The following TRAPPC12 variants were observed in gnomAD, a reference collection of about 807,000 sequenced individuals.
TRAPPC12 encodes the protein trafficking protein particle complex subunit 12.
A neutral mutation model predicts 69.2 loss-of-function variants in TRAPPC12; 61 were observed. That is an observed-to-expected ratio of 0.88 (90% CI 0.72 to 1.09). The LOEUF (loss-of-function observed/expected upper bound fraction) is 1.09. TRAPPC12 is among the 50% of genes least tolerant of loss of function. The pLI is 0.00. For synonymous variants in TRAPPC12, 469 were observed against 438.9 expected (o/e 1.07, Z -0.86); for missense variants, 1,101 against 1,016.4 (o/e 1.08, Z -1.13).
intron 5 of TRAPPC12, among the ~76,000 whole-genome samples, chr2:3,442,086 A>C (rs1261479831): frequency 1.7e-5 from 2 of 120,470 alleles, no homozygotes; most frequent in Non-Finnish European, 2.0e-5. Flanking sequence ...CTAGTCTATA[A>C]ATTGAGATCG....
At chr2:3,455,010 T>A (rs918239851) in intron 6 of TRAPPC12, 1 of 152,222 alleles carries the variant, frequency 6.6e-6, no homozygotes, top group Non-Finnish European at 1.5e-5. Context: ...CCCGTAGGGC[T>A]CCCGTGGTGT....
chr2:3,453,145 C>T (rs143237780), intron 6 of TRAPPC12, among the ~76,000 whole-genome samples: 427 of 152,318 alleles, frequency 2.8e-3, no homozygotes, highest in Non-Finnish European at 4.8e-3. Flanking sequence ...CATGATGCTG[C>T]CTCCTCCACA....
In TRAPPC12 at chr2:3,465,673, G is replaced by C. The variant is rs1201913995; in HGVS notation, c.1754G>C (p.Gly585Ala). 1.9e-6 allele frequency: 3 copies of C among 1,614,078 alleles called. No individual in the cohort carries two copies. The South Asian group carries it at 3.3e-5, about 18-fold the overall frequency. Residue 585 changes from glycine (G) to alanine (A), a missense_variant, in exon 9 of 12, where the codon GGC becomes GCC. By Grantham distance (60) the Gly-to-Ala change is moderately conservative. Transcript: ENST00000324266. ...GAGCAAGAGCCCCAGCTGCTCAGCGGCATCGGCCGGATTTCCCTGCAGGTA... is the reference window on the plus strand; with the variant it reads ...GAGCAAGAGCCCCAGCTGCTCAGCGCCATCGGCCGGATTTCCCTGCAGGTA... ...YPEQEPQLLS[G>A]IGRISLQIGD... is the part of the protein sequence containing the mutation.
At chr2:3,451,887 T>G (rs1231126507) in intron 6 of TRAPPC12, among the ~76,000 whole-genome samples, 1 of 152,200 alleles carries the variant, frequency 6.6e-6, no homozygotes, top group African/African-American at 2.4e-5. Flanking sequence ...GTGGCCTCAA[T>G]ACACTATTCC....
In TRAPPC12 at chr2:3,423,322, T is replaced by TTGTGTGTG. The variant is rs34767789; in HGVS notation, c.1279-1179_1279-1172dup. Among the ~76,000 whole-genome samples the TTGTGTGTG allele has an allele frequency of 2.2e-3, 330 of 149,186 alleles. 3 individuals carry two copies. The highest frequency in any genetic ancestry group is 0.019 in the East Asian group (96 of 5,052). ...ATCGCATGCATTGCCTCGCATGCCT[T>TTGTGTGTG]TGTGTGTGTGTGTGTGTGTGTGTGT... On this transcript the variant is annotated intron_variant, in intron 4 of 11. Transcript: ENST00000324266.
chr2:3,412,109 G>C (rs1456231101), intron 3 of TRAPPC12, among the ~76,000 whole-genome samples: 1 of 152,124 alleles, frequency 6.6e-6, no homozygotes, highest in African/African-American at 2.4e-5. Flanking sequence ...TTTACTGTCT[G>C]TTCCACAATT....
chr2:3,453,580 T>G (rs1299062546), intron 6 of TRAPPC12, among the ~76,000 whole-genome samples: 1 of 152,212 alleles, frequency 6.6e-6, no homozygotes, highest in African/African-American at 2.4e-5. Flanking sequence ...ATCATGCCCC[T>G]ACTCCTCAGA....
chr2:3,395,145 G>A (rs1388627219), intron 2 of TRAPPC12, among the ~76,000 whole-genome samples: 1 of 152,154 alleles, frequency 6.6e-6, no homozygotes, highest in African/African-American at 2.4e-5. Context: ...CGTCAGCAGC[G>A]TATGAGAGTT....
intron 2 of TRAPPC12, among the ~76,000 whole-genome samples, chr2:3,399,865 A>G (rs997924445): frequency 1.2e-4 from 18 of 147,510 alleles, no homozygotes; most frequent in Admixed American, 5.4e-4. Context: ...ATAGGAAGAG[A>G]TCTGAGCCAG....
chr2:3,419,988 C>A (rs1662684725), intron 3 of TRAPPC12, among the ~76,000 whole-genome samples: 1 of 152,212 alleles, frequency 6.6e-6, no homozygotes, highest in African/African-American at 2.4e-5. Context: ...AGGTACAACC[C>A]AGCAATCCAG....
chr2:3,385,756 T>C (rs1176605552), intron 1 of TRAPPC12, among the ~76,000 whole-genome samples: 1 of 152,242 alleles, frequency 6.6e-6, no homozygotes, highest in Non-Finnish European at 1.5e-5. Flanking sequence ...AATTCTTATT[T>C]CTAAAATAAA....
chr2:3,479,313 A>G lies in TRAPPC12; in HGVS notation c.2060A>G (p.His687Arg), dbSNP rs368611901. 1.5e-5 allele frequency: 25 copies of G among 1,614,070 alleles called. No homozygotes were observed. The highest frequency in any genetic ancestry group is 1.8e-5 in the Non-Finnish European group (21 of 1,180,040). The change falls in exon 12 of 12, where the codon CAC becomes CGC. Residue 687 changes from histidine (H) to arginine (R), a missense_variant. His to Arg is a conservative substitution (Grantham distance 29). Transcript: ENST00000324266. ...LEAMVQQDPR[H>R]YLHESVLFNL... Reference sequence around the variant, plus strand: ...GCCATGGTCCAGCAGGACCCCAGGCACTACCTGCACGAGAGCGTGCTCTTC... The same window carrying G: ...GCCATGGTCCAGCAGGACCCCAGGCGCTACCTGCACGAGAGCGTGCTCTTC...
At chr2:3,432,417 C>A (rs895213890) in intron 5 of TRAPPC12, among the ~76,000 whole-genome samples, 1 of 152,238 alleles carries the variant, frequency 6.6e-6, no homozygotes, top group Non-Finnish European at 1.5e-5. Context: ...CCTCCAAAAT[C>A]ATGAAATTCA....
At chr2:3,391,794 C>G (rs565712906) in intron 2 of TRAPPC12, among the ~76,000 whole-genome samples, 2 of 152,068 alleles carry the variant, frequency 1.3e-5, no homozygotes, top group African/African-American at 2.4e-5. Context: ...TCCTGTCCCC[C>G]CAAGATGGCT....
intron 9 of TRAPPC12, among the ~76,000 whole-genome samples, chr2:3,476,200 ATTTC>A (rs1344589689): frequency 2.6e-5 from 4 of 151,846 alleles, no homozygotes; most frequent in African/African-American, 9.7e-5. Context: ...CTCGTATGGT[ATTTC>A]TTTTGTGGGA....
intron 1 of TRAPPC12, among the ~76,000 whole-genome samples, chr2:3,386,563 G>C (rs1273184801): frequency 3.9e-5 from 6 of 152,204 alleles, no homozygotes; most frequent in African/African-American, 1.2e-4. Flanking sequence ...CATAGTATGT[G>C]CGGATAAATG....
chr2:3,386,405 T>G (rs1660494332), intron 1 of TRAPPC12, among the ~76,000 whole-genome samples: 1 of 152,260 alleles, frequency 6.6e-6, no homozygotes, highest in African/African-American at 2.4e-5. Flanking sequence ...TGGCTGGTCC[T>G]GGTTTCCCCA....
chr2:3,403,542 A>T (rs1006111896), intron 3 of TRAPPC12, among the ~76,000 whole-genome samples: 4 of 152,204 alleles, frequency 2.6e-5, no homozygotes, highest in Non-Finnish European at 5.9e-5. Flanking sequence ...GATTTCACCT[A>T]TTTTAAGCAA....
At position 3,388,518 on chromosome 2, in the gene TRAPPC12, A is replaced by G. The variant is rs201138691; in HGVS notation, c.895A>G (p.Ser299Gly). ...TGACGACCCCTTTGCCACCGCCCTG[A>G]GCATGAGCGAGATGGACCGGAGGAA... ...GSDDPFATAL[S>G]MSEMDRRNDA... Residue 299 changes from serine (S) to glycine (G), a missense_variant, in exon 2 of 12, where the codon AGC becomes GGC. By Grantham distance (56) the Ser-to-Gly change is moderately conservative. Coordinates refer to ENST00000324266, the MANE Select transcript of TRAPPC12 (RefSeq NM_016030.6). 5 of 1,612,922 alleles carry G rather than the reference A, an allele frequency of 3.1e-6. No homozygotes were observed.
Sources: allele counts gnomAD v4.1 joint callset (sites outside exome capture counted in the v4.1 genomes callset), GRCh38; gene constraint gnomAD v4.1.1; transcripts MANE v1.5; gene names NCBI Gene and HGNC (gene_info 2026-07-23, HGNC 2026-07-21).